The following BOD1L1 variants were observed in gnomAD, a reference collection of about 807,000 sequenced individuals.
BOD1L1 encodes the protein biorientation of chromosomes in cell division 1 like 1, also known as biorientation of chromosomes in cell division protein 1-like 1.
BOD1L1 carries 86 observed loss-of-function variants against 240.7 expected under a neutral mutation model. The observed-to-expected ratio is 0.36, with a 90% CI of 0.30 to 0.43. BOD1L1 has a LOEUF of 0.43. Among genes scored for constraint, BOD1L1 ranks in the 20% least tolerant of loss-of-function variants. BOD1L1 has a pLI of 1.00. For missense variants in BOD1L1, 3,554 were observed against 3,643.5 expected, an observed-to-expected ratio of 0.98 and a Z score of 0.63; for synonymous variants, 1,268 against 1,272.3, an observed-to-expected ratio of 1.00 and a Z score of 0.07.
At chr4:13,580,072 T>C (rs1713103139) in intron 21 of BOD1L1, 99 bp from the exon 22 acceptor site, 1 of 847,626 alleles carries the variant, frequency 1.2e-6, no homozygotes, top group Non-Finnish European at 1.9e-6. Flanking sequence ...ATAGGATCTT[T>C]ATTTACATAG....
In BOD1L1 at chr4:13,600,245, T is replaced by G; in HGVS notation, c.6655A>C (p.Ile2219Leu). Residue 2219 changes from isoleucine to leucine, a missense_variant, in exon 10 of 26, where the codon ATT becomes CTT. By Grantham distance (5) the Ile-to-Leu change is conservative. Transcript: ENST00000040738. ...CATTCTTCTGCTATGCTAGTGGAAA[T>G]GAGAGCACATTCATCCTTCTCCTCC... ...SKEEKDECAL[I>L]STSIAEECEA... The G allele has an allele frequency of 6.2e-7, 1 of 1,614,016 alleles. No homozygotes were observed. The highest frequency in any genetic ancestry group is 8.5e-7 in the Non-Finnish European group (1 of 1,179,884).
chr4:13,593,326 C>T (rs977338405), intron 12 of BOD1L1: 1 of 151,890 alleles, frequency 6.6e-6, no homozygotes. Context: ...GTAGAAACCC[C>T]GAGGCCATTA....
At chr4:13,597,038 T>C (rs1033411059) in intron 11 of BOD1L1, 66 bp downstream of exon 11, 2 of 1,210,088 alleles carry the variant, frequency 1.7e-6, no homozygotes, top group African/African-American at 1.5e-5. Flanking sequence ...AGTATATATA[T>C]GTGTATATGT....
chr4:13,588,926 T>C, intron 14 of BOD1L1, 134 bp from the exon 15 acceptor site: 2 of 539,484 alleles, frequency 3.7e-6, no homozygotes, highest in Non-Finnish European at 3.2e-6. Flanking sequence ...ATACAGGGCA[T>C]TGTGGTAGAT....
At chr4:13,577,031 C>G (rs578072304) in intron 24 of BOD1L1, 40 bp from the exon 25 acceptor site, 2 of 1,602,216 alleles carry the variant, frequency 1.2e-6, no homozygotes, top group Non-Finnish European at 1.7e-6. Flanking sequence ...TTTACAATTC[C>G]CAAAGATACT....
rs567545271 is a variant in BOD1L1 at position 13,615,594 on chromosome 4, T to C, written c.369-92A>G. The C allele has an allele frequency of 3.3e-5, 40 of 1,194,706 alleles. No homozygotes were observed. In the South Asian group the frequency reaches 5.9e-4, roughly 18 times the overall value. 74.0% of individuals were successfully genotyped at this position (1,194,706 alleles called of 1,614,324 possible). ...ATAACACTCTACAATCTGTCATCTA[T>C]CTATCCATCCATCCAACCTTAAATT... On this transcript the variant is annotated intron_variant, in intron 2 of 25. Coordinates refer to ENST00000040738, the MANE Select transcript of BOD1L1 (RefSeq NM_148894.3).
In BOD1L1 at chr4:13,602,902, C is replaced by G. The variant is rs762618869; in HGVS notation, c.3998G>C (p.Arg1333Thr). The G allele has an allele frequency of 4.3e-6, 7 of 1,613,908 alleles. No individual in the cohort carries two copies. Among genetic ancestry groups the G allele is most frequent in the Admixed American group, 3.3e-5 (2 of 60,008 alleles). Residue 1333 changes from arginine (R) to threonine (T), a missense_variant, in exon 10 of 26, where the codon AGG (arginine) becomes ACG (threonine). Arg to Thr is a moderately conservative substitution (Grantham distance 71). Around this residue, in one of 2 missense-constraint regions of BOD1L1, gnomAD observed 3,393 missense variants for 3,427.1 expected, o/e 0.99. Transcript: ENST00000040738. ...ACTTGTCTTAAGGACTTCTGATTCCCTAACAGTCAGACTTTGGTTAGGGAG... is the reference window on the plus strand; with the variant it reads ...ACTTGTCTTAAGGACTTCTGATTCCGTAACAGTCAGACTTTGGTTAGGGAG... ...SALPNQSLTV[R>T]ESEVLKTSDS...
chr4:13,573,246 T>A (rs1314793295), intron 25 of BOD1L1, among the ~76,000 whole-genome samples: 1 of 152,120 alleles, frequency 6.6e-6, no homozygotes, highest in Non-Finnish European at 1.5e-5. Context: ...AGATAAGGAA[T>A]TCTGATTCCA....
chr4:13,573,989 C>T (rs914996153), intron 25 of BOD1L1, among the ~76,000 whole-genome samples: 2 of 152,048 alleles, frequency 1.3e-5, no homozygotes, highest in Admixed American at 6.6e-5. Flanking sequence ...ACATTTGCTT[C>T]TAAAAGAGGA....
At position 13,576,995 on chromosome 4, in the gene BOD1L1, T is replaced by A; in HGVS notation, c.8885-4A>T. ...TTTCTTTCTGGCTCTGAGGATTCTG[T>A]TCAAATAGAAGGGTAACACCTGGAT... On this transcript the variant is annotated splice_polypyrimidine_tract_variant and splice_region_variant and intron_variant, in intron 24 of 25. Coordinates refer to ENST00000040738, the MANE Select transcript of BOD1L1 (RefSeq NM_148894.3). 6.2e-7 allele frequency: 1 copy of A among 1,613,348 alleles called. No homozygotes were observed.
Position 13,602,442 on chromosome 4 carries a change from A to G in BOD1L1, c.4458T>C (p.Ala1486=), listed in dbSNP as rs779734859. Residue 1486 remains alanine, a synonymous_variant, in exon 10 of 26, where the codon GCT becomes GCC. Coordinates refer to ENST00000040738, the MANE Select transcript of BOD1L1 (RefSeq NM_148894.3). ...RNENSEVDTS[A]GSGSAPSVLH... ...AAACAGAGGGTGCAGAGCCACTTCC[A>G]GCACTGGTGTCTACCTCACTGTTTT... is the stretch of plus-strand genomic sequence containing the variant. 2.5e-6 allele frequency: 4 copies of G among 1,614,034 alleles called. No homozygotes were observed. Among genetic ancestry groups the G allele is most frequent in the South Asian group, 1.1e-5 (1 of 91,090 alleles).
intron 5 of BOD1L1, 71 bp from the exon 6 acceptor site, chr4:13,611,171 C>G: frequency 1.8e-6 from 2 of 1,123,766 alleles, no homozygotes; most frequent in Non-Finnish European, 2.5e-6. Context: ...GCTGTACAAG[C>G]AGTAAAGGCA....
rs952181458 is a variant in BOD1L1 at position 13,581,265 on chromosome 4, A to G, written c.8593-58T>C. The G allele has an allele frequency of 2.5e-6, 3 of 1,215,036 alleles. No individual in the cohort carries two copies. The Admixed American group carries it at 8.2e-5, about 33-fold the overall frequency. 75.3% of individuals were successfully genotyped at this position (1,215,036 alleles called of 1,614,324 possible). A position where few individuals can be genotyped will look rare whatever the true frequency, so the allele number is the denominator to read the frequency against. On this transcript the variant is annotated intron_variant, in intron 19 of 25. Transcript: ENST00000040738. ...AAGAAAAAAAATTTTATCCTTTATT[A>G]TATAAAGTTTTCTCAAAAATCAGAT... is the stretch of plus-strand genomic sequence containing the variant.
intron 12 of BOD1L1, chr4:13,592,504 A>G (rs1391150039): frequency 1.3e-5 from 2 of 152,282 alleles, no homozygotes; most frequent in African/African-American, 4.8e-5. Flanking sequence ...CTGTACCTAA[A>G]CACAGTAAAG....
At chr4:13,616,063 A>G (rs937555466) in intron 2 of BOD1L1, among the ~76,000 whole-genome samples, 1 of 152,354 alleles carries the variant, frequency 6.6e-6, no homozygotes, top group East Asian at 1.9e-4. Flanking sequence ...GCTTTCTATT[A>G]TCTTCCCGCT....
chr4:13,614,140 G>A (rs1716388045), intron 4 of BOD1L1, 56 bp downstream of exon 4: 2 of 1,387,432 alleles, frequency 1.4e-6, no homozygotes, highest in African/African-American at 2.9e-5. Flanking sequence ...ATACTTCCCT[G>A]ATCCCAAAAC....
chr4:13,619,678 T>A (rs187841279), intron 2 of BOD1L1, among the ~76,000 whole-genome samples: 35 of 152,316 alleles, frequency 2.3e-4, no homozygotes, highest in African/African-American at 7.7e-4. Context: ...ATATCTAGAT[T>A]TTTTAGAAAG....
At chr4:13,573,264 C>T (rs545266636) in intron 25 of BOD1L1, among the ~76,000 whole-genome samples, 212 of 152,210 alleles carry the variant, frequency 1.4e-3, no homozygotes, top group African/African-American at 4.9e-3. Flanking sequence ...CCAGTAAAAA[C>T]TCTGAAAAAG....
intron 12 of BOD1L1, chr4:13,592,986 G>C (rs1340491917): frequency 1.3e-5 from 2 of 152,132 alleles, no homozygotes. Context: ...AACGTATACA[G>C]GTTGAGCATC....
Sources: gnomAD v4.1 joint callset for allele counts (sites outside exome capture counted in the v4.1 genomes callset) on GRCh38, gnomAD v4.1.1 for gene constraint, gnomAD v4.1.1 regional missense constraint, MANE v1.5 for transcripts, NCBI Gene and HGNC (gene_info 2026-07-23, HGNC 2026-07-21) for gene names.